The following PID1 variants were observed in gnomAD, a reference collection of about 807,000 sequenced individuals.
PID1 encodes the protein PTB-containing, cubilin and LRP1-interacting protein.
In PID1, 10 loss-of-function variants were observed where a neutral mutation model predicts 19.1. The ratio of observed to expected loss-of-function variants is 0.52; its 90% confidence interval spans 0.32 to 0.89. The LOEUF (loss-of-function observed/expected upper bound fraction) is 0.89. Ranked by LOEUF, PID1 falls within the 40% of genes least tolerant of loss-of-function variation. PID1 has a pLI of 0.03. For missense variants in PID1, 248 were observed against 285.3 expected (o/e 0.87, Z 0.94); for synonymous variants, 130 against 116.0 (o/e 1.12, Z -0.78).
chr2:229,106,696 T>A (rs1462162946), intron 2 of PID1, among the ~76,000 whole-genome samples: 1 of 152,144 alleles, frequency 6.6e-6, no homozygotes, highest in Non-Finnish European at 1.5e-5. Flanking sequence ...ATCTTAGACT[T>A]CCCAGTCTAG....
At chr2:229,037,292 A>T (rs935310184) in intron 2 of PID1, among the ~76,000 whole-genome samples, 2 of 152,194 alleles carry the variant, frequency 1.3e-5, no homozygotes, top group African/African-American at 4.8e-5. Flanking sequence ...AAGCAAATTT[A>T]CCAAGACCCA....
intron 2 of PID1, among the ~76,000 whole-genome samples, chr2:229,040,239 T>C (rs1315459949): frequency 6.6e-6 from 1 of 151,072 alleles, no homozygotes; most frequent in African/African-American, 2.4e-5. Flanking sequence ...GCCAACATGG[T>C]GAAAGCCCAT....
chr2:229,219,543 A>G (rs187511418), intron 1 of PID1, among the ~76,000 whole-genome samples: 1 of 152,240 alleles, frequency 6.6e-6, no homozygotes, highest in Non-Finnish European at 1.5e-5. Flanking sequence ...GGGTGGGGAC[A>G]CAGCCAAACC....
At chr2:229,157,434 A>C (rs1243911261) in intron 1 of PID1, among the ~76,000 whole-genome samples, 1 of 151,788 alleles carries the variant, frequency 6.6e-6, no homozygotes, top group African/African-American at 2.4e-5. Context: ...CCATCTCAAA[A>C]AAAAAAAAAA....
In PID1 at chr2:229,082,979, A is replaced by G. The variant is rs1000617893; in HGVS notation, c.178-56871T>C. Among the ~76,000 whole-genome samples, 48 of 152,210 alleles carry G rather than the reference A, an allele frequency of 3.2e-4. 1 individual carries two copies. The highest frequency in any genetic ancestry group is 1.0e-3 in the African/African-American group (43 of 41,490). On this transcript the variant is annotated intron_variant, in intron 2 of 2. Coordinates refer to ENST00000392055, the MANE Select transcript of PID1 (RefSeq NM_001100818.2). The stretch of plus-strand genomic sequence containing the variant: ...AAACTTATTAAATTGATGCCCATAA[A>G]TTGACGGACATAAAGGTCTCAAAAC...
chr2:229,192,385 T>C (rs555580617), intron 1 of PID1, among the ~76,000 whole-genome samples: 1 of 152,298 alleles, frequency 6.6e-6, no homozygotes, highest in Non-Finnish European at 1.5e-5. Flanking sequence ...GCTTCTACTG[T>C]CCCAACATAT....
intron 1 of PID1, among the ~76,000 whole-genome samples, chr2:229,205,367 T>C (rs961957246): frequency 6.6e-6 from 1 of 152,166 alleles, no homozygotes; most frequent in Non-Finnish European, 1.5e-5. Context: ...TCTTGATTTA[T>C]TTTTCATTTC....
intron 2 of PID1, among the ~76,000 whole-genome samples, chr2:229,098,908 A>G (rs1695023689): frequency 6.6e-6 from 1 of 151,842 alleles, no homozygotes; most frequent in South Asian, 2.1e-4. Flanking sequence ...CCCCTACTGA[A>G]TCTCCATCAT....
intron 1 of PID1, among the ~76,000 whole-genome samples, chr2:229,218,885 T>A (rs947933062): frequency 6.6e-6 from 1 of 152,212 alleles, no homozygotes; most frequent in East Asian, 1.9e-4. Context: ...TGGATCTGCA[T>A]AAAGACAGAC....
At chr2:229,162,176 T>C (rs1033602909) in intron 1 of PID1, among the ~76,000 whole-genome samples, 3 of 152,260 alleles carry the variant, frequency 2.0e-5, no homozygotes, top group African/African-American at 7.2e-5. Context: ...GGGTGTTTTA[T>C]GTGTGATCCC....
At chr2:229,029,927 G>A (rs1267006574) in intron 2 of PID1, among the ~76,000 whole-genome samples, 1 of 151,616 alleles carries the variant, frequency 6.6e-6, no homozygotes, top group Admixed American at 6.6e-5. Context: ...ATTGAAAGAT[G>A]TATATCAAAG....
At chr2:229,242,706 C>T (rs146009504) in intron 1 of PID1, among the ~76,000 whole-genome samples, 2 of 152,120 alleles carry the variant, frequency 1.3e-5, no homozygotes, top group East Asian at 1.9e-4. Context: ...ATTTTCTATA[C>T]CACCAACAGA....
chr2:229,258,493 G>A (rs1039199119), intron 1 of PID1, among the ~76,000 whole-genome samples: 13 of 152,174 alleles, frequency 8.5e-5, no homozygotes, highest in African/African-American at 3.1e-4. Context: ...ACAGTGTATT[G>A]TTTAGTTCTC....
intron 1 of PID1, among the ~76,000 whole-genome samples, chr2:229,184,972 C>CTA (rs1559275223): frequency 2.6e-5 from 1 of 37,892 alleles, no homozygotes; most frequent in Non-Finnish European, 4.6e-5. Flanking sequence ...CATATATATA[C>CTA]TATATATATA....
chr2:229,214,580 A>G (rs1691805761), intron 1 of PID1, among the ~76,000 whole-genome samples: 1 of 152,176 alleles, frequency 6.6e-6, no homozygotes, highest in Non-Finnish European at 1.5e-5. Flanking sequence ...AGAATCGAGC[A>G]CTGTTTTATT....
intron 1 of PID1, among the ~76,000 whole-genome samples, chr2:229,264,800 C>T (rs1332501434): frequency 6.6e-6 from 1 of 152,132 alleles, no homozygotes; most frequent in Non-Finnish European, 1.5e-5. Flanking sequence ...ACCGTGAGTC[C>T]TCTAAGTTTA....
intron 2 of PID1, among the ~76,000 whole-genome samples, chr2:229,148,976 T>C (rs1326566581): frequency 6.6e-6 from 1 of 151,400 alleles, no homozygotes; most frequent in African/African-American, 2.4e-5. Flanking sequence ...AGAAAATAAA[T>C]ATCAATGACT....
intron 1 of PID1, among the ~76,000 whole-genome samples, chr2:229,188,726 C>T (rs557532388): frequency 5.0e-4 from 49 of 97,124 alleles, no homozygotes; most frequent in African/African-American, 1.9e-3. Flanking sequence ...GCAACAAGAG[C>T]GAAACTCCAC....
At chr2:229,083,009 T>C (rs2106212197) in intron 2 of PID1, among the ~76,000 whole-genome samples, 1 of 151,924 alleles carries the variant, frequency 6.6e-6, no homozygotes, top group African/African-American at 2.4e-5. Context: ...CAAAACTAAA[T>C]AAATGCTTCC....
Sources: gnomAD v4.1 joint callset for allele counts (sites outside exome capture counted in the v4.1 genomes callset) on GRCh38, gnomAD v4.1.1 for gene constraint, MANE v1.5 for transcripts, NCBI Gene and HGNC (gene_info 2026-07-23, HGNC 2026-07-21) for gene names.